Variants in CHN1 observed in about 807,000 individuals in gnomAD.
The protein encoded by CHN1 is chimerin 1.
CHN1 carries 37 observed loss-of-function variants against 59.5 expected under a neutral mutation model. That is an observed-to-expected ratio of 0.62 (90% CI 0.48 to 0.82). The LOEUF (loss-of-function observed/expected upper bound fraction) is 0.82. Ranked by LOEUF, CHN1 falls within the 40% of genes least tolerant of loss-of-function variation. The pLI is 0.00. For synonymous variants in CHN1, 206 were observed against 200.4 expected (o/e 1.03, Z -0.24); for missense variants, 469 against 571.0 (o/e 0.82, Z 1.82).
At chr2:174,903,132 T>C (rs1390216208) in intron 5 of CHN1, among the ~76,000 whole-genome samples, 1 of 152,156 alleles carries the variant, frequency 6.6e-6, no homozygotes. Flanking sequence ...AACAACTACA[T>C]TTACAGAACA....
chr2:174,990,968 CA>C (rs932045177), intron 1 of CHN1, among the ~76,000 whole-genome samples: 12 of 152,152 alleles, frequency 7.9e-5, no homozygotes, highest in African/African-American at 2.7e-4. Flanking sequence ...TTCATCAAAA[CA>C]TTTTTTTCAG....
At chr2:174,909,077 C>A (rs962259169) in intron 5 of CHN1, among the ~76,000 whole-genome samples, 1 of 152,284 alleles carries the variant, frequency 6.6e-6, no homozygotes, top group East Asian at 1.9e-4. Context: ...GGAACTCACA[C>A]CTGGTTTTCT....
At chr2:174,875,671 G>A in intron 6 of CHN1, 1 of 301,470 alleles carries the variant, frequency 3.3e-6, no homozygotes, top group Non-Finnish European at 4.9e-6. Flanking sequence ...GGCCTCTGAG[G>A]TAAAGAATTC....
chr2:174,844,413 G>A (rs1686429359), intron 7 of CHN1, among the ~76,000 whole-genome samples: 1 of 152,148 alleles, frequency 6.6e-6, no homozygotes, highest in Admixed American at 6.5e-5. Context: ...TTTGACAGCT[G>A]TTCGATTCCA....
At chr2:174,898,870 T>A (rs1688298987) in intron 5 of CHN1, among the ~76,000 whole-genome samples, 1 of 152,220 alleles carries the variant, frequency 6.6e-6, no homozygotes, top group African/African-American at 2.4e-5. Context: ...AAACAGGAAG[T>A]CCCTAAAATA....
intron 6 of CHN1, among the ~76,000 whole-genome samples, chr2:174,875,153 G>C (rs1687528341): frequency 6.6e-6 from 1 of 152,064 alleles, no homozygotes; most frequent in African/African-American, 2.4e-5. Context: ...GGGATTACAG[G>C]CGTGAGCCAC....
intron 1 of CHN1, among the ~76,000 whole-genome samples, chr2:174,998,689 A>G (rs554362732): frequency 6.6e-6 from 1 of 152,300 alleles, no homozygotes; most frequent in South Asian, 2.1e-4. Flanking sequence ...AACTGTGGGT[A>G]TTGGCTCTTT....
intron 7 of CHN1, among the ~76,000 whole-genome samples, chr2:174,833,795 CTTTTT>C (rs35604734): frequency 2.7e-5 from 3 of 112,860 alleles, no homozygotes; most frequent in Non-Finnish European, 3.9e-5. Flanking sequence ...ACATACACAT[CTTTTT>C]TTTTTTTTTT....
chr2:174,809,110 T>C (rs1319969533), intron 10 of CHN1, 68 bp from the exon 11 acceptor site: 1 of 1,368,582 alleles, frequency 7.3e-7, no homozygotes, highest in Admixed American at 2.1e-5. Flanking sequence ...ATGAATGACA[T>C]ATCTGTATAC....
chr2:174,888,347 A>G (rs1351443182), intron 5 of CHN1, among the ~76,000 whole-genome samples: 1 of 152,148 alleles, frequency 6.6e-6, no homozygotes, highest in Non-Finnish European at 1.5e-5. Context: ...CTGAAATAAG[A>G]GCAGATGGGG....
chr2:174,931,352 T>C (rs1453874295), intron 3 of CHN1, among the ~76,000 whole-genome samples: 1 of 152,222 alleles, frequency 6.6e-6, no homozygotes, highest in African/African-American at 2.4e-5. Flanking sequence ...TGTGAGCACA[T>C]AGTGCAAGCA....
chr2:174,875,780 T>C (rs1403443079), intron 6 of CHN1: 1 of 981,062 alleles, frequency 1.0e-6, no homozygotes, highest in Non-Finnish European at 1.2e-6. Flanking sequence ...ATGATTGTCT[T>C]TACTTACAAA....
chr2:174,957,196 A>G (rs987447264), intron 1 of CHN1, among the ~76,000 whole-genome samples: 3 of 152,184 alleles, frequency 2.0e-5, no homozygotes, highest in African/African-American at 7.2e-5. Flanking sequence ...CTTTAGCACG[A>G]GGCTTGGGGA....
chr2:175,003,341 T>C (rs1691949808), intron 1 of CHN1, among the ~76,000 whole-genome samples: 1 of 152,242 alleles, frequency 6.6e-6, no homozygotes, highest in African/African-American at 2.4e-5. Context: ...TTTCTTATAC[T>C]TTCTTCTATA....
chr2:175,003,304 A>G (rs1691948554), intron 1 of CHN1, among the ~76,000 whole-genome samples: 1 of 152,248 alleles, frequency 6.6e-6, no homozygotes, highest in Non-Finnish European at 1.5e-5. Context: ...TTAAAGATAC[A>G]TTATTCATTT....
At chr2:174,933,150 G>C (rs1689399941) in intron 3 of CHN1, among the ~76,000 whole-genome samples, 1 of 152,154 alleles carries the variant, frequency 6.6e-6, no homozygotes, top group Admixed American at 6.5e-5. Flanking sequence ...TATGAGAGGG[G>C]ATGTAGAGTA....
chr2:174,812,527 A>C, intron 8 of CHN1, 45 bp from the exon 9 acceptor site: 1 of 1,600,340 alleles, frequency 6.2e-7, no homozygotes, highest in Non-Finnish European at 8.5e-7. Context: ...TTATTTTCAG[A>C]GTTTTGAGCA....
chr2:174,892,550 T>G (rs1405081066), intron 5 of CHN1, among the ~76,000 whole-genome samples: 1 of 152,216 alleles, frequency 6.6e-6, no homozygotes, highest in Non-Finnish European at 1.5e-5. Flanking sequence ...TTACCCAGTC[T>G]GCTGTATTTT....
At chr2:174,839,322 C>G (rs1042791661) in intron 7 of CHN1, among the ~76,000 whole-genome samples, 1 of 151,978 alleles carries the variant, frequency 6.6e-6, no homozygotes. Flanking sequence ...TATATATATA[C>G]AATAGAATAT....
Sources: allele counts gnomAD v4.1 joint callset (sites outside exome capture counted in the v4.1 genomes callset), GRCh38; gene constraint gnomAD v4.1.1; transcripts MANE v1.5; gene names NCBI Gene and HGNC (gene_info 2026-07-23, HGNC 2026-07-21).